TMEM245: variants seen among roughly 807,000 people sequenced by gnomAD.
The protein encoded by TMEM245 is transmembrane protein 245.
TMEM245 carries 69 observed loss-of-function variants against 101.2 expected under a neutral mutation model. The observed-to-expected ratio is 0.68, with a 90% CI of 0.56 to 0.83. The LOEUF is 0.83. TMEM245 is among the 40% of genes least tolerant of loss of function. The pLI is 0.00. For missense variants in TMEM245, 1,075 were observed against 1,092.8 expected (o/e 0.98, Z 0.23); for synonymous variants, 537 against 449.8 (o/e 1.19, Z -2.45).
intron 16 of TMEM245, among the ~76,000 whole-genome samples, chr9:109,034,885 C>T (rs570501594): frequency 1.3e-5 from 2 of 152,152 alleles, no homozygotes; most frequent in Non-Finnish European, 2.9e-5. Flanking sequence ...GGCCGGGCAT[C>T]GTGGCTCATG....
chr9:109,064,439 T>C, intron 10 of TMEM245, 38 bp downstream of exon 10: 1 of 1,587,776 alleles, frequency 6.3e-7, no homozygotes, highest in Non-Finnish European at 8.6e-7. Context: ...GTAAAGACCC[T>C]GAAAAGAGAA....
At chr9:109,109,192 G>A (rs1273555804) in intron 1 of TMEM245, among the ~76,000 whole-genome samples, 1 of 152,076 alleles carries the variant, frequency 6.6e-6, no homozygotes, top group Non-Finnish European at 1.5e-5. Flanking sequence ...GGAACAAACA[G>A]CAGGACTTCA....
At chr9:109,116,717 G>A (rs764330225) in intron 1 of TMEM245, among the ~76,000 whole-genome samples, 4 of 151,858 alleles carry the variant, frequency 2.6e-5, no homozygotes, top group Non-Finnish European at 5.9e-5. Context: ...TAGTAGAGAC[G>A]GGGTTTTACC....
intron 1 of TMEM245, among the ~76,000 whole-genome samples, chr9:109,116,539 T>C (rs1415111651): frequency 1.4e-5 from 2 of 145,724 alleles, no homozygotes; most frequent in African/African-American, 5.5e-5. Flanking sequence ...CTTTTTTTTT[T>C]CTTTTTTTTT....
At chr9:109,105,321 T>G (rs530600030) in intron 3 of TMEM245, among the ~76,000 whole-genome samples, 1 of 152,296 alleles carries the variant, frequency 6.6e-6, no homozygotes, top group South Asian at 2.1e-4. Flanking sequence ...TCACACCCAC[T>G]GGACTGGCCA....
At chr9:109,041,037 T>C (rs925573851) in intron 14 of TMEM245, among the ~76,000 whole-genome samples, 1 of 152,166 alleles carries the variant, frequency 6.6e-6, no homozygotes, top group Non-Finnish European at 1.5e-5. Context: ...CCGAAAAAAC[T>C]AATAGTCCAC....
At chr9:109,060,198 A>G (rs556921681) in intron 11 of TMEM245, among the ~76,000 whole-genome samples, 156 bp downstream of exon 11, 1 of 152,320 alleles carries the variant, frequency 6.6e-6, no homozygotes, top group Admixed American at 6.5e-5. Flanking sequence ...CTAACCATCA[A>G]CTCACACTGA....
chr9:109,064,169 G>A (rs1208855291), intron 10 of TMEM245, among the ~76,000 whole-genome samples: 1 of 152,170 alleles, frequency 6.6e-6, no homozygotes, highest in African/African-American at 2.4e-5. Flanking sequence ...GATTTAATAT[G>A]CATTAATACC....
chr9:109,049,515 G>GT (rs1007864080), intron 14 of TMEM245, among the ~76,000 whole-genome samples: 2 of 151,620 alleles, frequency 1.3e-5, no homozygotes, highest in African/African-American at 4.8e-5. Flanking sequence ...CGCCCAGTCT[G>GT]TTTTTTTGTT....
intron 3 of TMEM245, among the ~76,000 whole-genome samples, chr9:109,100,136 C>T (rs1830246399): frequency 6.6e-6 from 1 of 152,130 alleles, no homozygotes; most frequent in South Asian, 2.1e-4. Flanking sequence ...GGCAAGGAAG[C>T]TAGGTCATGT....
chr9:109,097,347 T>C (rs1830168519), intron 3 of TMEM245, among the ~76,000 whole-genome samples: 1 of 151,928 alleles, frequency 6.6e-6, no homozygotes, highest in African/African-American at 2.4e-5. Context: ...GACCGGAAGA[T>C]AGTGTGAATG....
In TMEM245 at chr9:109,032,225, C is replaced by T. The variant is rs1305939055; in HGVS notation, c.2594+1082G>A. ...AAGTATCATTGTTAAATTGGTTAAACCAAATTTAACATTGATATATTATTT... is the reference window on the plus strand; with the variant it reads ...AAGTATCATTGTTAAATTGGTTAAATCAAATTTAACATTGATATATTATTT... On this transcript the variant is annotated intron_variant, in intron 17 of 17. Transcript: ENST00000374586. 2.6e-5 allele frequency among the ~76,000 whole-genome samples: 4 copies of T among 152,118 alleles called. No individual in the cohort carries two copies. The East Asian group carries it at 7.7e-4, about 29-fold the overall frequency.
At chr9:109,029,311 A>G (rs1275637842) in intron 17 of TMEM245, among the ~76,000 whole-genome samples, 1 of 152,244 alleles carries the variant, frequency 6.6e-6, no homozygotes, top group East Asian at 1.9e-4. Context: ...TCAGAACACC[A>G]GAACACAAGT....
chr9:109,062,479 T>C (rs1829045653), intron 10 of TMEM245, among the ~76,000 whole-genome samples: 1 of 152,242 alleles, frequency 6.6e-6, no homozygotes, highest in African/African-American at 2.4e-5. Context: ...TTTATTATTT[T>C]CTTCTTTATT....
At chr9:109,106,636 T>C in intron 2 of TMEM245, 27 bp from the exon 3 acceptor site, 1 of 1,547,426 alleles carries the variant, frequency 6.5e-7, no homozygotes, top group Non-Finnish European at 8.8e-7. Flanking sequence ...ATTAACATTT[T>C]TAGTGAAATA....
At position 109,103,855 on chromosome 9, in the gene TMEM245, G is replaced by A. The variant is rs1830339508; in HGVS notation, c.799+2653C>T. On this transcript the variant is annotated intron_variant, in intron 3 of 17. Coordinates refer to ENST00000374586, the MANE Select transcript of TMEM245 (RefSeq NM_032012.4). ...AATCTCAGCACTTTGGGAGGCCAAG[G>A]CAGGCGGACCACCAGAGATCAGGAG... is the stretch of plus-strand genomic sequence containing the variant. Among the ~76,000 whole-genome samples, 3 of 152,166 alleles carry A rather than the reference G, an allele frequency of 2.0e-5. No homozygotes were observed. The South Asian group carries it at 6.2e-4, about 32-fold the overall frequency.
chr9:109,065,334 G>C (rs56065014), intron 9 of TMEM245, among the ~76,000 whole-genome samples: 20,941 of 152,162 alleles, frequency 0.14, 1,853 homozygotes, highest in Middle Eastern at 0.2. Context: ...TAGATCTACT[G>C]AAAAAGGAAC....
intron 7 of TMEM245, among the ~76,000 whole-genome samples, chr9:109,083,901 C>CAAAAAAAAAA (rs751739620): frequency 0.037 from 1,257 of 34,436 alleles, 379 homozygotes; most frequent in Middle Eastern, 0.095. Flanking sequence ...ACTAAAAATA[C>CAAAAAAAAAA]AAAAAAAAAA....
intron 8 of TMEM245, among the ~76,000 whole-genome samples, chr9:109,078,813 G>A (rs1468968807): frequency 2.0e-5 from 3 of 152,136 alleles, no homozygotes; most frequent in Non-Finnish European, 4.4e-5. Context: ...GTTTTTAGCA[G>A]TTATTTCTTC....
Sources: allele counts gnomAD v4.1 joint callset (sites outside exome capture counted in the v4.1 genomes callset), GRCh38; gene constraint gnomAD v4.1.1; transcripts MANE v1.5; gene names NCBI Gene and HGNC (gene_info 2026-07-23, HGNC 2026-07-21).